Variants in ITPK1 observed in about 807,000 individuals in gnomAD.
The protein encoded by ITPK1 is inositol-tetrakisphosphate 1-kinase, also known as inositol 1,3,4-trisphosphate 5/6-kinase.
ITPK1 carries 21 observed loss-of-function variants against 45.3 expected under a neutral mutation model. That is an observed-to-expected ratio of 0.46 (90% confidence interval 0.33 to 0.67). The LOEUF (loss-of-function observed/expected upper bound fraction) is 0.67, where lower values mean the gene tolerates loss of function less well. ITPK1 is among the 30% of genes least tolerant of loss of function. ITPK1 has a pLI of 0.02. For synonymous variants in ITPK1, 258 were observed against 253.6 expected, an observed-to-expected ratio of 1.02 and a Z score of -0.16; for missense variants, 474 against 573.5, an observed-to-expected ratio of 0.83 and a Z score of 1.77.
Position 93,043,447 on chromosome 14 carries a change from CA to C in ITPK1, c.121-26647del, listed in dbSNP as rs555602159. Among the ~76,000 whole-genome samples, 600 of 152,330 alleles carry C rather than the reference CA, an allele frequency of 3.9e-3. 1 individual carries two copies. Among genetic ancestry groups the C allele is most frequent in the African/African-American group, 0.013 (545 of 41,568 alleles). On this transcript the variant is annotated intron_variant, in intron 3 of 10. Coordinates refer to ENST00000267615, the MANE Select transcript of ITPK1 (RefSeq NM_014216.6). ...GAAAGCACCGAACACATCCAAGGCT[CA>C]ACCCATCAGGCACTCTTTCCTTTGG...
intron 4 of ITPK1, among the ~76,000 whole-genome samples, chr14:93,010,551 G>A (rs895844395): frequency 2.0e-5 from 3 of 152,220 alleles, no homozygotes; most frequent in African/African-American, 7.2e-5. Flanking sequence ...GAGTCCCTCT[G>A]ACCCCCACCT....
chr14:92,984,919 C>T (rs1886420541), intron 5 of ITPK1, among the ~76,000 whole-genome samples: 1 of 152,194 alleles, frequency 6.6e-6, no homozygotes. Flanking sequence ...AAAGAATCCT[C>T]TTAGAAGGTT....
At chr14:93,073,003 G>C (rs1440848877) in intron 3 of ITPK1, among the ~76,000 whole-genome samples, 1 of 152,254 alleles carries the variant, frequency 6.6e-6, no homozygotes, top group Non-Finnish European at 1.5e-5. Context: ...CACTGTACTT[G>C]ACCACCAGGA....
intron 2 of ITPK1, among the ~76,000 whole-genome samples, chr14:93,104,611 C>G (rs938263313): frequency 6.6e-6 from 1 of 152,166 alleles, no homozygotes; most frequent in African/African-American, 2.4e-5. Context: ...AGCTGTGCTG[C>G]TCACAGCACC....
At chr14:93,030,594 A>T (rs1243548479) in intron 3 of ITPK1, among the ~76,000 whole-genome samples, 4 of 152,196 alleles carry the variant, frequency 2.6e-5, no homozygotes, top group African/African-American at 9.7e-5. Context: ...TGGGAGACAG[A>T]CAACAAACAA....
intron 2 of ITPK1, among the ~76,000 whole-genome samples, chr14:93,088,474 G>A (rs1891740780): frequency 6.6e-6 from 1 of 151,540 alleles, no homozygotes; most frequent in Non-Finnish European, 1.5e-5. Context: ...GAGCTACTTG[G>A]CCACCCAAGT....
At position 92,958,144 on chromosome 14, in the gene ITPK1, C is replaced by A. The variant is rs1306465555; in HGVS notation, c.670+57G>T. 1 of 1,560,754 alleles carries A rather than the reference C, an allele frequency of 6.4e-7. No individual in the cohort carries two copies. Among genetic ancestry groups the A allele is most frequent in the African/African-American group, 1.4e-5 (1 of 73,768 alleles). ...GCCGAAGGACAGACAGCTGCTGCCA[C>A]ATCCCAGCTGGGCCCCTGAGTCTTG... On this transcript the variant is annotated intron_variant, in intron 8 of 10. Transcript: ENST00000267615. The surrounding 1 kb of genome is among the most constrained non-coding windows in gnomAD (Gnocchi z 4.4).
At position 93,104,437 on chromosome 14, in the gene ITPK1, G is replaced by A. The variant is rs74848199; in HGVS notation, c.95+10632C>T. On this transcript the variant is annotated intron_variant, in intron 2 of 10. Coordinates refer to ENST00000267615, the MANE Select transcript of ITPK1 (RefSeq NM_014216.6). The stretch of plus-strand genomic sequence containing the variant: ...AAGATCACACCTTGCACTCCGGCCT[G>A]GGTGACAATAGCGAAACTCCATCTC... Among the ~76,000 whole-genome samples, 1,332 of 151,302 alleles carry A rather than the reference G, an allele frequency of 8.8e-3. 28 individuals carry two copies. The highest frequency in any genetic ancestry group is 0.031 in the African/African-American group (1,268 of 40,848).
At chr14:93,064,939 C>T (rs1473099626) in intron 3 of ITPK1, among the ~76,000 whole-genome samples, 1 of 152,144 alleles carries the variant, frequency 6.6e-6, no homozygotes, top group Non-Finnish European at 1.5e-5. Context: ...GATGAGTGTG[C>T]GGGGAATCCC....
chr14:92,996,230 G>C (rs1038378276), intron 4 of ITPK1, among the ~76,000 whole-genome samples: 1 of 152,182 alleles, frequency 6.6e-6, no homozygotes, highest in East Asian at 1.9e-4. Flanking sequence ...CTTGGCAATA[G>C]AGTAAGACCC....
chr14:93,056,449 T>C (rs1890218727), intron 3 of ITPK1, among the ~76,000 whole-genome samples: 1 of 152,138 alleles, frequency 6.6e-6, no homozygotes, highest in African/African-American at 2.4e-5. Flanking sequence ...GGGCGCCCCA[T>C]CAGTGCAGCT....
chr14:93,088,336 G>GTTTTTTTTTTTTT (rs764902793), intron 2 of ITPK1, among the ~76,000 whole-genome samples: 1 of 126,632 alleles, frequency 7.9e-6, no homozygotes, highest in Non-Finnish European at 1.5e-5. Flanking sequence ...TTTTGGTTTT[G>GTTTTTTTTTTTTT]TTTTGTTTTT....
At chr14:93,075,099 G>A (rs571066800) in intron 3 of ITPK1, among the ~76,000 whole-genome samples, 176 of 152,118 alleles carry the variant, frequency 1.2e-3, no homozygotes, top group African/African-American at 4.2e-3. Flanking sequence ...GGCCGAGGTG[G>A]GTGGATCACC....
At chr14:93,004,560 G>A (rs1887513944) in intron 4 of ITPK1, among the ~76,000 whole-genome samples, 1 of 152,048 alleles carries the variant, frequency 6.6e-6, no homozygotes, top group African/African-American at 2.4e-5. Flanking sequence ...GTGCGTGTGT[G>A]TGTATGAGTG....
chr14:93,029,671 G>C (rs1474229389), intron 3 of ITPK1, among the ~76,000 whole-genome samples: 4 of 152,166 alleles, frequency 2.6e-5, no homozygotes, highest in Non-Finnish European at 5.9e-5. Flanking sequence ...AAGCACACAA[G>C]GCAGGAGATG....
intron 4 of ITPK1, among the ~76,000 whole-genome samples, chr14:93,005,952 T>C (rs1238140091): frequency 6.6e-6 from 1 of 152,048 alleles, no homozygotes; most frequent in African/African-American, 2.4e-5. Flanking sequence ...ACAGCCCCAT[T>C]GTACAGGGGC....
chr14:92,976,436 A>T (rs896627218), intron 5 of ITPK1, among the ~76,000 whole-genome samples: 2 of 152,156 alleles, frequency 1.3e-5, no homozygotes, highest in African/African-American at 4.8e-5. Flanking sequence ...TGTCACCATC[A>T]TGCTAAACTG....
chr14:93,047,717 C>T (rs1889839580), intron 3 of ITPK1, among the ~76,000 whole-genome samples: 1 of 152,214 alleles, frequency 6.6e-6, no homozygotes, highest in African/African-American at 2.4e-5. Flanking sequence ...TCTCCTAAGC[C>T]ACGCAGTTTG....
chr14:93,087,608 G>A (rs1891699415), intron 2 of ITPK1, among the ~76,000 whole-genome samples: 1 of 152,218 alleles, frequency 6.6e-6, no homozygotes, highest in African/African-American at 2.4e-5. Flanking sequence ...CAGGCTCTGA[G>A]GATTAGAACC....
Sources: gnomAD v4.1 joint callset for allele counts (sites outside exome capture counted in the v4.1 genomes callset) on GRCh38, gnomAD v4.1.1 for gene constraint, Gnocchi (gnomAD v3.1) non-coding constraint, MANE v1.5 for transcripts, NCBI Gene and HGNC (gene_info 2026-07-23, HGNC 2026-07-21) for gene names.